Variants in IRAK2 observed in about 807,000 individuals in gnomAD.
IRAK2 encodes the protein interleukin 1 receptor associated kinase 2, also known as interleukin-1 receptor-associated kinase-like 2.
Under a neutral mutation model 72.0 loss-of-function variants are expected in IRAK2, and 57 were observed. The observed-to-expected ratio is 0.79, with a 90% CI of 0.64 to 0.99. The LOEUF (loss-of-function observed/expected upper bound fraction) is 0.99. IRAK2 is among the 50% of genes least tolerant of loss of function. The pLI is 0.00. For synonymous variants in IRAK2, 293 were observed against 312.7 expected, an observed-to-expected ratio of 0.94 and a Z score of 0.67; for missense variants, 790 against 794.4, an observed-to-expected ratio of 0.99 and a Z score of 0.07.
intron 1 of IRAK2, among the ~76,000 whole-genome samples, chr3:10,169,227 G>A (rs1285635988): frequency 6.6e-6 from 1 of 152,184 alleles, no homozygotes; most frequent in African/African-American, 2.4e-5. Context: ...TACTGGTGAA[G>A]GTCCATGTCC....
intron 2 of IRAK2, among the ~76,000 whole-genome samples, chr3:10,178,905 T>G (rs1334009794): frequency 6.6e-6 from 1 of 152,108 alleles, no homozygotes; most frequent in Non-Finnish European, 1.5e-5. Flanking sequence ...TGGGCTCAAG[T>G]GTCCTCCTGC....
chr3:10,227,712 A>C (rs1189360940), intron 10 of IRAK2, among the ~76,000 whole-genome samples: 1 of 147,738 alleles, frequency 6.8e-6, no homozygotes, highest in Non-Finnish European at 1.5e-5. Flanking sequence ...TCTGTCGCCC[A>C]GGCTGCAGTG....
intron 6 of IRAK2, among the ~76,000 whole-genome samples, chr3:10,215,395 A>AC (rs1697586902): frequency 9.9e-6 from 1 of 100,544 alleles, no homozygotes; most frequent in Non-Finnish European, 1.9e-5. Context: ...CTCTGTCTCA[A>AC]AAAAAAAAAA....
At position 10,206,126 on chromosome 3, in the gene IRAK2, T is replaced by A. The variant is rs1474366287; in HGVS notation, c.425-3463T>A. On this transcript the variant is annotated intron_variant, in intron 3 of 12. Coordinates refer to ENST00000256458, the MANE Select transcript of IRAK2 (RefSeq NM_001570.4). The stretch of plus-strand genomic sequence containing the variant: ...GGAGCTGGGCAAGGCTGGGAGAGCC[T>A]TGGGACCATGGTGCGCCATTTCCGA... 2.0e-5 allele frequency among the ~76,000 whole-genome samples: 3 copies of A among 152,256 alleles called. No individual in the cohort carries two copies. The East Asian group carries it at 5.8e-4, about 29-fold the overall frequency.
At chr3:10,188,715 A>G (rs1004305266) in intron 2 of IRAK2, among the ~76,000 whole-genome samples, 1 of 152,196 alleles carries the variant, frequency 6.6e-6, no homozygotes, top group Non-Finnish European at 1.5e-5. Context: ...TAGTAGAGAC[A>G]GGGTTTCTCC....
chr3:10,174,536 T>G (rs1696843375), intron 1 of IRAK2, among the ~76,000 whole-genome samples: 2 of 152,152 alleles, frequency 1.3e-5, no homozygotes, highest in Non-Finnish European at 2.9e-5. Flanking sequence ...TTTTGTTTTA[T>G]TTTTTTGAGA....
At chr3:10,220,081 G>A (rs1697665633) in intron 8 of IRAK2, among the ~76,000 whole-genome samples, 2 of 152,154 alleles carry the variant, frequency 1.3e-5, no homozygotes, top group African/African-American at 2.4e-5. Flanking sequence ...TTGCTGCGTC[G>A]CACTGTCCAC....
At chr3:10,188,596 G>A (rs1447924173) in intron 2 of IRAK2, among the ~76,000 whole-genome samples, 5 of 152,028 alleles carry the variant, frequency 3.3e-5, no homozygotes, top group African/African-American at 9.7e-5. Flanking sequence ...GCGCAATCTC[G>A]GCTCACCACA....
intron 2 of IRAK2, among the ~76,000 whole-genome samples, chr3:10,193,238 T>C (rs907914475): frequency 6.6e-6 from 1 of 152,104 alleles, no homozygotes; most frequent in African/African-American, 2.4e-5. Flanking sequence ...CCTCCCCCAT[T>C]TCCTCCTTGT....
At chr3:10,178,988 G>A (rs1056169436) in intron 2 of IRAK2, among the ~76,000 whole-genome samples, 10 of 152,022 alleles carry the variant, frequency 6.6e-5, no homozygotes, top group African/African-American at 2.4e-4. Context: ...TTTTTGTAGA[G>A]ATCCAGGCTG....
At chr3:10,180,614 C>G (rs1696946407) in intron 2 of IRAK2, among the ~76,000 whole-genome samples, 1 of 151,986 alleles carries the variant, frequency 6.6e-6, no homozygotes, top group African/African-American at 2.4e-5. Context: ...GGTTCCTGAG[C>G]TGGGAACCAC....
chr3:10,189,717 T>C (rs954183213), intron 2 of IRAK2, among the ~76,000 whole-genome samples: 3 of 152,124 alleles, frequency 2.0e-5, no homozygotes, highest in African/African-American at 7.2e-5. Context: ...AGTGGAAAAT[T>C]TGGGGCTGCT....
chr3:10,219,016 G>T (rs1002518377), intron 7 of IRAK2, among the ~76,000 whole-genome samples: 1 of 152,188 alleles, frequency 6.6e-6, no homozygotes, highest in Non-Finnish European at 1.5e-5. Flanking sequence ...TGGCCAACAT[G>T]GCAAAACCCT....
At chr3:10,239,074 T>C (rs75818678) in intron 12 of IRAK2, 35 bp downstream of exon 12, 22 of 1,513,956 alleles carry the variant, frequency 1.5e-5, no homozygotes, top group Non-Finnish European at 1.9e-5. Flanking sequence ...TGGATGCTCA[T>C]GTGTGTGTCC....
At chr3:10,232,004 GT>G (rs2125163698) in intron 10 of IRAK2, among the ~76,000 whole-genome samples, 1 of 152,276 alleles carries the variant, frequency 6.6e-6, no homozygotes, top group East Asian at 1.9e-4. Flanking sequence ...GCGGGTGCCT[GT>G]AGTCCCAGCT....
intron 12 of IRAK2, among the ~76,000 whole-genome samples, chr3:10,241,658 C>T (rs1037515636): frequency 6.6e-6 from 1 of 150,914 alleles, no homozygotes; most frequent in Non-Finnish European, 1.5e-5. Context: ...CCTAGGACTT[C>T]GGGAGGCCGA....
chr3:10,187,770 A>G (rs1697100780), intron 2 of IRAK2, among the ~76,000 whole-genome samples: 1 of 152,192 alleles, frequency 6.6e-6, no homozygotes, highest in Non-Finnish European at 1.5e-5. Flanking sequence ...CCATGAGATC[A>G]ATATACTTTG....
chr3:10,165,719 CTATTT>C (rs1696673467), intron 1 of IRAK2, among the ~76,000 whole-genome samples: 1 of 89,290 alleles, frequency 1.1e-5, no homozygotes, highest in African/African-American at 4.9e-5. Flanking sequence ...TGGTCTTGAA[CTATTT>C]TTTTTTTTTT....
intron 10 of IRAK2, among the ~76,000 whole-genome samples, chr3:10,233,669 C>T (rs1455513690): frequency 1.3e-5 from 2 of 151,972 alleles, no homozygotes; most frequent in African/African-American, 4.8e-5. Flanking sequence ...AAGAGATTGT[C>T]CATGTAGTTA....
Sources: gnomAD v4.1 joint callset for allele counts (sites outside exome capture counted in the v4.1 genomes callset) on GRCh38, gnomAD v4.1.1 for gene constraint, MANE v1.5 for transcripts, NCBI Gene and HGNC (gene_info 2026-07-23, HGNC 2026-07-21) for gene names.